TTC6: variants seen among roughly 807,000 people sequenced by gnomAD.
The protein encoded by TTC6 is tetratricopeptide repeat protein 6.
In TTC6, 172 loss-of-function variants were observed where a neutral mutation model predicts 210.4. That is an observed-to-expected ratio of 0.82 (90% CI 0.72 to 0.93). The LOEUF is 0.93. Ranked by LOEUF, TTC6 falls within the 40% of genes least tolerant of loss-of-function variation. TTC6 has a pLI of 0.00. For missense variants in TTC6, 2,414 were observed against 2,318.1 expected, an observed-to-expected ratio of 1.04 and a Z score of -0.85; for synonymous variants, 804 against 819.6, an observed-to-expected ratio of 0.98 and a Z score of 0.32.
chr14:37,692,153 A>T (rs1375227817), intron 3 of TTC6, among the ~76,000 whole-genome samples: 1 of 138,064 alleles, frequency 7.2e-6, no homozygotes, highest in Non-Finnish European at 1.5e-5. Context: ...AATGCTTCCA[A>T]ACTCATTCTA....
At chr14:37,759,289 AAAAG>A in intron 14 of TTC6, among the ~76,000 whole-genome samples, 1 of 151,918 alleles carries the variant, frequency 6.6e-6, no homozygotes, top group East Asian at 1.9e-4. Context: ...AAAAAGAAAA[AAAAG>A]AAAGTTCTTT....
chr14:37,790,963 T>C (rs2096077916), intron 16 of TTC6, 126 bp downstream of exon 18: 2 of 752,642 alleles, frequency 2.7e-6, no homozygotes, highest in East Asian at 2.9e-5. Context: ...TATAAAGTCA[T>C]CCTAGAATTA....
chr14:37,666,795 C>T (rs1443389794), intron 1 of TTC6, among the ~76,000 whole-genome samples: 1 of 150,238 alleles, frequency 6.7e-6, no homozygotes, highest in African/African-American at 2.4e-5. Flanking sequence ...CAATTCAGGG[C>T]TCTCAGGGTT....
At chr14:37,760,743 T>C (rs1003675793) in intron 14 of TTC6, among the ~76,000 whole-genome samples, 11 of 152,210 alleles carry the variant, frequency 7.2e-5, no homozygotes, top group African/African-American at 2.7e-4. Flanking sequence ...AGAGGCAGTC[T>C]GGCCACAGCC....
At chr14:37,623,504 T>C (rs2095655163) in intron 1 of TTC6, among the ~76,000 whole-genome samples, 1 of 152,240 alleles carries the variant, frequency 6.6e-6, no homozygotes. Flanking sequence ...AAAAACTTTA[T>C]TTTCTATGTC....
intron 4 of TTC6, among the ~76,000 whole-genome samples, chr14:37,700,455 A>AT (rs2095822737): frequency 6.6e-6 from 1 of 151,936 alleles, no homozygotes; most frequent in African/African-American, 2.4e-5. Context: ...AAGAAAGGAG[A>AT]TTTTTGGCTA....
At chr14:37,837,700 C>T (rs2096201042) in intron 29 of TTC6, among the ~76,000 whole-genome samples, 1 of 152,138 alleles carries the variant, frequency 6.6e-6, no homozygotes, top group African/African-American at 2.4e-5. Flanking sequence ...TTATTTGTTA[C>T]CTTTGTTTTA....
intron 3 of TTC6, among the ~76,000 whole-genome samples, chr14:37,690,235 A>T (rs191122700): frequency 2.0e-5 from 3 of 152,180 alleles, no homozygotes; most frequent in Admixed American, 6.5e-5. Context: ...AGATACACAA[A>T]AAATAAAAAG....
intron 1 of TTC6, among the ~76,000 whole-genome samples, chr14:37,676,747 T>C (rs2095770577): frequency 6.6e-6 from 1 of 152,058 alleles, no homozygotes; most frequent in Non-Finnish European, 1.5e-5. Context: ...TGTACATCAT[T>C]TGAGATAGGG....
At chr14:37,826,528 T>C (rs11851224) in intron 28 of TTC6, among the ~76,000 whole-genome samples, 181 bp downstream of exon 30, 152,086 of 152,140 alleles carry the variant, frequency 1, 76,016 homozygotes, top group Non-Finnish European at 1. Context: ...ATTTTATAAC[T>C]GAAATGCACT....
At chr14:37,774,428 T>A (rs2096030780) in intron 14 of TTC6, among the ~76,000 whole-genome samples, 1 of 152,164 alleles carries the variant, frequency 6.6e-6, no homozygotes, top group Non-Finnish European at 1.5e-5. Context: ...TTTTTAAGCA[T>A]GTTCTTTCAA....
At position 37,718,534 on chromosome 14, in the gene TTC6, G is replaced by A. The variant is rs1310841228; in HGVS notation, c.1713+3738G>A. Among the ~76,000 whole-genome samples, 3 of 148,872 alleles carry A rather than the reference G, an allele frequency of 2.0e-5. No individual in the cohort carries two copies. In the East Asian group the frequency reaches 5.8e-4, roughly 29 times the overall value. On this transcript the variant is annotated intron_variant, in intron 6 of 30. Coordinates refer to ENST00000553443, the Ensembl canonical transcript of TTC6. ...AACATAGTGCTGGAAATTCTAGGCA[G>A]TGCATTAAGGCAAGAAGTGGGAAAA...
chr14:37,602,976 G>T (rs2095618601), intron 1 of TTC6, among the ~76,000 whole-genome samples: 1 of 152,064 alleles, frequency 6.6e-6, no homozygotes, highest in South Asian at 2.1e-4. Flanking sequence ...CTACACCCCC[G>T]CCAAGAGAAG....
intron 14 of TTC6, among the ~76,000 whole-genome samples, chr14:37,780,145 AAATT>A (rs1277121908): frequency 6.6e-6 from 1 of 152,254 alleles, no homozygotes; most frequent in African/African-American, 2.4e-5. Context: ...TATATGCTCA[AAATT>A]AATTAGTAAT....
chr14:37,622,843 G>A (rs1236837489), exon 1 of TTC6: 1 of 1,534,180 alleles, frequency 6.5e-7, no homozygotes, highest in Non-Finnish European at 8.7e-7. Context: ...AGCGACGCGC[G>A]GGAGGCCGCC....
chr14:37,657,212 CAA>C (rs61052302), intron 1 of TTC6, among the ~76,000 whole-genome samples: 3,502 of 34,868 alleles, frequency 0.1, 16 homozygotes, highest in South Asian at 0.15. Flanking sequence ...AACTCTGTCT[CAA>C]AAAAAAAAAA....
At chr14:37,621,401 G>C (rs941677334), upstream of TTC6, among the ~76,000 whole-genome samples, 2 of 152,150 alleles carry the variant, frequency 1.3e-5, no homozygotes, top group Non-Finnish European at 2.9e-5. Flanking sequence ...CATGAGCCCA[G>C]GGAGTTAGAG....
chr14:37,779,275 A>G (rs910046320), intron 14 of TTC6, among the ~76,000 whole-genome samples: 2 of 152,040 alleles, frequency 1.3e-5, no homozygotes, highest in African/African-American at 2.4e-5. Context: ...TGCATTCTCT[A>G]TGAAGATCTG....
chr14:37,771,943 T>A (rs574353737), intron 14 of TTC6, among the ~76,000 whole-genome samples: 1 of 152,300 alleles, frequency 6.6e-6, no homozygotes, highest in Non-Finnish European at 1.5e-5. Flanking sequence ...TTTTATCTAC[T>A]TTTGGTCTTT....
Sources: allele counts gnomAD v4.1 joint callset (sites outside exome capture counted in the v4.1 genomes callset), GRCh38; gene constraint gnomAD v4.1.1; transcripts MANE v1.5; gene names NCBI Gene and HGNC (gene_info 2026-07-23, HGNC 2026-07-21).